TMPRSS11A: variants seen among roughly 807,000 people sequenced by gnomAD.
TMPRSS11A encodes transmembrane protease serine 11A.
A neutral mutation model predicts 58.9 loss-of-function variants in TMPRSS11A; 53 were observed. That is an observed-to-expected ratio of 0.90 (90% CI 0.72 to 1.13). The LOEUF is 1.13. TMPRSS11A is among the 50% of genes most tolerant of loss of function. The pLI, the probability that TMPRSS11A is intolerant of heterozygous loss-of-function variation, is 0.00. For missense variants in TMPRSS11A, 493 were observed against 499.3 expected (o/e 0.99, Z 0.12); for synonymous variants, 167 against 169.8 (o/e 0.98, Z 0.13).
intron 7 of TMPRSS11A, among the ~76,000 whole-genome samples, chr4:67,921,116 A>T (rs947647860): frequency 1.3e-5 from 2 of 152,216 alleles, no homozygotes; most frequent in Admixed American, 1.3e-4. Flanking sequence ...TATTGATGGT[A>T]GAAGTTAATA....
intron 3 of TMPRSS11A, among the ~76,000 whole-genome samples, chr4:67,943,139 A>C (rs1720918996): frequency 6.6e-6 from 1 of 152,160 alleles, no homozygotes; most frequent in Non-Finnish European, 1.5e-5. Context: ...ATGTGTCCTT[A>C]CTTAACTTAG....
Position 67,919,036 on chromosome 4 carries a change from A to G in TMPRSS11A, c.889T>C (p.Ser297Pro), listed in dbSNP as rs1396138936. ...GTCAAATTTGGTTGGAAGGATGCAG[A>G]GGCTTCTGGCAAACAAATCTGGCGT... ...DIRQICLPEA[S>P]ASFQPNLTVH... The change falls in exon 8 of 10, where the codon TCT (serine) becomes CCT (proline). Residue 297 changes from serine to proline, a missense_variant. Ser to Pro is a moderately conservative substitution (Grantham distance 74). Transcript: ENST00000508048. The G allele has an allele frequency of 3.1e-6, 5 of 1,614,078 alleles. No homozygotes were observed. The highest frequency in any genetic ancestry group is 4.2e-6 in the Non-Finnish European group (5 of 1,180,032).
At chr4:67,917,547 C>T (rs761150573) in intron 8 of TMPRSS11A, among the ~76,000 whole-genome samples, 2 of 152,046 alleles carry the variant, frequency 1.3e-5, no homozygotes, top group Non-Finnish European at 2.9e-5. Flanking sequence ...CGAATGGCTG[C>T]TTTTAATCTA....
Position 67,932,020 on chromosome 4 carries a change from T to C in TMPRSS11A, c.293A>G (p.Tyr98Cys). Reference protein sequence around the residue: ...IFIDSAWKKNYIKNQVVRLTP... With the variant: ...IFIDSAWKKNCIKNQVVRLTP... Reference sequence around the variant, plus strand: ...CAGTCTGACTACTTGGTTCTTGATATAATTTTTCTTCCAGGCTGAATCTAT... The same window carrying C: ...CAGTCTGACTACTTGGTTCTTGATACAATTTTTCTTCCAGGCTGAATCTAT... Residue 98 changes from tyrosine (Y) to cysteine (C), a missense_variant, in exon 4 of 10, where the codon TAT becomes TGT. By Grantham distance (194) the Tyr-to-Cys change is radical. Coordinates refer to ENST00000508048, the MANE Select transcript of TMPRSS11A (RefSeq NM_001114387.2). The C allele has an allele frequency of 5.0e-6, 8 of 1,605,426 alleles. No homozygotes were observed. The highest frequency in any genetic ancestry group is 6.8e-6 in the Non-Finnish European group (8 of 1,172,368).
intron 8 of TMPRSS11A, among the ~76,000 whole-genome samples, chr4:67,917,545 T>C (rs1167392458): frequency 6.6e-6 from 1 of 152,200 alleles, no homozygotes; most frequent in East Asian, 1.9e-4. Context: ...AACGAATGGC[T>C]GCTTTTAATC....
chr4:67,942,981 TAAGAATGA>T (rs1487354452), intron 3 of TMPRSS11A, among the ~76,000 whole-genome samples: 3 of 152,162 alleles, frequency 2.0e-5, no homozygotes, highest in Non-Finnish European at 1.5e-5. Flanking sequence ...CATATTTTTG[TAAGAATGA>T]ATACAAACAA....
Position 67,910,985 on chromosome 4 carries a change from C to A in TMPRSS11A, c.*357G>T. 1 of 165,282 alleles carries A rather than the reference C, an allele frequency of 6.1e-6. No homozygotes were observed. Among genetic ancestry groups the A allele is most frequent in the Non-Finnish European group, 1.3e-5 (1 of 77,024 alleles). The allele number at this position is 165,282 out of a possible 1,614,324, so 10.2% of individuals were successfully genotyped here. On this transcript the variant is annotated 3_prime_UTR_variant, in exon 10 of 10. Coordinates refer to ENST00000508048, the MANE Select transcript of TMPRSS11A (RefSeq NM_001114387.2). ...GGGTTTCTTGAACACTTTGTGAGTT[C>A]AAAAAGTTTCTCAGTTAAAAGGAGA... is the stretch of plus-strand genomic sequence containing the variant.
At chr4:67,916,951 G>T (rs1720172882) in intron 8 of TMPRSS11A, among the ~76,000 whole-genome samples, 1 of 152,096 alleles carries the variant, frequency 6.6e-6, no homozygotes, top group Non-Finnish European at 1.5e-5. Flanking sequence ...AACTAAACTG[G>T]TTGGTAAAAT....
chr4:67,960,520 CA>C (rs1328188551), intron 1 of TMPRSS11A, among the ~76,000 whole-genome samples: 1 of 151,930 alleles, frequency 6.6e-6, no homozygotes, highest in Non-Finnish European at 1.5e-5. Flanking sequence ...TTAAATGCAC[CA>C]ACATAATGTA....
chr4:67,942,466 T>G (rs1033202758), intron 3 of TMPRSS11A, among the ~76,000 whole-genome samples: 4 of 152,232 alleles, frequency 2.6e-5, no homozygotes, highest in Non-Finnish European at 5.9e-5. Flanking sequence ...TGCTAGAGCC[T>G]TGATCATCTT....
chr4:67,929,156 T>G (rs1720547270), intron 5 of TMPRSS11A, among the ~76,000 whole-genome samples: 1 of 152,216 alleles, frequency 6.6e-6, no homozygotes, highest in Non-Finnish European at 1.5e-5. Flanking sequence ...ACTCTTTTTG[T>G]GTGAATTTCA....
chr4:67,951,759 G>T (rs1259228443), intron 1 of TMPRSS11A, among the ~76,000 whole-genome samples: 1 of 152,110 alleles, frequency 6.6e-6, no homozygotes, highest in East Asian at 1.9e-4. Flanking sequence ...CAGCTTTCCA[G>T]GCCAAACTAC....
chr4:67,928,811 C>T (rs28541914), intron 5 of TMPRSS11A, among the ~76,000 whole-genome samples: 7,863 of 152,272 alleles, frequency 0.052, 224 homozygotes, highest in Middle Eastern at 0.075. Context: ...GGCAGAGTGT[C>T]CTGTTTCATG....
chr4:67,934,097 C>A (rs1720694281), intron 3 of TMPRSS11A, among the ~76,000 whole-genome samples: 1 of 152,060 alleles, frequency 6.6e-6, no homozygotes, highest in African/African-American at 2.4e-5. Context: ...TTGGTGATCA[C>A]AATAATAAAA....
intron 1 of TMPRSS11A, among the ~76,000 whole-genome samples, chr4:67,962,452 A>G (rs1006692895): frequency 6.6e-6 from 1 of 152,148 alleles, no homozygotes; most frequent in Non-Finnish European, 1.5e-5. Context: ...GAGGACTGCA[A>G]GGAATTATAG....
intron 1 of TMPRSS11A, among the ~76,000 whole-genome samples, chr4:67,958,676 A>C (rs7700106): frequency 0.4 from 61,330 of 152,000 alleles, 15,488 homozygotes; most frequent in Non-Finnish European, 0.57. Context: ...ATGAGTTAAG[A>C]CTTTGGATGA....
chr4:67,952,476 G>T (rs1485898184), intron 1 of TMPRSS11A, among the ~76,000 whole-genome samples: 2 of 152,156 alleles, frequency 1.3e-5, no homozygotes, highest in African/African-American at 4.8e-5. Context: ...TCTTCATTGT[G>T]ATTATGTTTC....
At chr4:67,954,841 A>T (rs1408153669) in intron 1 of TMPRSS11A, among the ~76,000 whole-genome samples, 1 of 152,192 alleles carries the variant, frequency 6.6e-6, no homozygotes. Context: ...TAGTTCTTCC[A>T]TTTGTAAAAT....
chr4:67,913,107 T>C (rs1173076180), intron 9 of TMPRSS11A, among the ~76,000 whole-genome samples: 1 of 152,210 alleles, frequency 6.6e-6, no homozygotes, highest in Non-Finnish European at 1.5e-5. Context: ...AGGTGATTCT[T>C]ACTGTTTGGT....
Sources: gnomAD v4.1 joint callset for allele counts (sites outside exome capture counted in the v4.1 genomes callset) on GRCh38, gnomAD v4.1.1 for gene constraint, MANE v1.5 for transcripts, NCBI Gene and HGNC (gene_info 2026-07-23, HGNC 2026-07-21) for gene names.